DNAH11: variants seen among roughly 807,000 people sequenced by gnomAD.
The protein encoded by DNAH11 is axonemal beta dynein heavy chain 11.
DNAH11 carries 442 observed loss-of-function variants against 526.0 expected under a neutral mutation model. The ratio of observed to expected loss-of-function variants is 0.84; its 90% CI spans 0.78 to 0.91. The LOEUF (loss-of-function observed/expected upper bound fraction) is 0.91. Ranked by LOEUF, DNAH11 falls within the 40% of genes least tolerant of loss-of-function variation. DNAH11 has a pLI of 0.00. For missense variants in DNAH11, 6,989 were observed against 5,448.7 expected (o/e 1.28, Z -8.90); for synonymous variants, 2,461 against 1,935.9 (o/e 1.27, Z -7.12).
chr7:21,569,870 G>A (rs947114447), intron 6 of DNAH11, among the ~76,000 whole-genome samples, 199 bp from the exon 7 acceptor site: 2 of 152,218 alleles, frequency 1.3e-5, no homozygotes, highest in African/African-American at 4.8e-5. Flanking sequence ...AGGGTCTCCT[G>A]TATGTAATTC....
intron 20 of DNAH11, among the ~76,000 whole-genome samples, chr7:21,614,459 G>C (rs17689845): frequency 0.011 from 1,656 of 152,238 alleles, 23 homozygotes; most frequent in Non-Finnish European, 0.018. Flanking sequence ...TGTAAGCATA[G>C]TACCATTTTG....
intron 2 of DNAH11, among the ~76,000 whole-genome samples, chr7:21,549,787 C>T (rs7806515): frequency 0.19 from 29,545 of 152,174 alleles, 2,949 homozygotes; most frequent in Middle Eastern, 0.26. Context: ...AGTATCCCAG[C>T]TGGGGCAGGG....
Position 21,656,072 on chromosome 7 carries a change from A to G in DNAH11, c.5094+91A>G, listed in dbSNP as rs946328472. ...GTTCAACAAGCAAAAAATTCAACCC[A>G]GGTCAAATCAGGCTCTGCTTAGTTT... On this transcript the variant is annotated intron_variant, in intron 29 of 81. Transcript: ENST00000409508. The G allele has an allele frequency of 1.1e-5, 15 of 1,375,814 alleles. No homozygotes were observed. The Admixed American group carries it at 2.5e-4, about 23-fold the overall frequency. 85.2% of individuals were successfully genotyped at this position (1,375,814 alleles called of 1,614,324 possible).
chr7:21,639,998 C>T (rs10269559), intron 28 of DNAH11, among the ~76,000 whole-genome samples: 5,496 of 152,114 alleles, frequency 0.036, 315 homozygotes, highest in African/African-American at 0.13. Context: ...TTAATTATTT[C>T]TCTCTTGTTC....
chr7:21,821,068 A>G lies in DNAH11; in HGVS notation c.10691+2729A>G, dbSNP rs373651992. On this transcript the variant is annotated intron_variant, in intron 65 of 81. Transcript: ENST00000409508. ...AGTGTGATATCAAGGAGTTAATACC[A>G]CCAGTTTATGGTAATTAATTGGATA... Among the ~76,000 whole-genome samples, 20 of 152,262 alleles carry G rather than the reference A, an allele frequency of 1.3e-4. No individual in the cohort carries two copies. In the East Asian group the frequency reaches 3.3e-3, roughly 25 times the overall value.
In DNAH11 at chr7:21,710,590, A is replaced by C. The variant is rs781418402; in HGVS notation, c.6721A>C (p.Ile2241Leu). The C allele has an allele frequency of 6.2e-7, 1 of 1,612,844 alleles. No individual in the cohort carries two copies. The highest frequency in any genetic ancestry group is 1.7e-5 in the Admixed American group (1 of 59,912). The change falls in exon 41 of 82, where the codon ATT becomes CTT. Residue 2241 changes from isoleucine to leucine, a missense_variant. Ile to Leu is a conservative substitution (Grantham distance 5). Transcript: ENST00000409508. ...TTATTTTATAGGTCTCTTCTCATCC[A>C]TTCTACGAGAACAAGCAAATCTTAA... Reference protein sequence around the residue: ...YSYFIGLFSSILREQANLKHD... With the variant: ...YSYFIGLFSSLLREQANLKHD...
chr7:21,811,169 T>C (rs1384710084), intron 63 of DNAH11, among the ~76,000 whole-genome samples: 1 of 152,054 alleles, frequency 6.6e-6, no homozygotes, highest in African/African-American at 2.4e-5. Flanking sequence ...CTAACTGAAA[T>C]TAGCCAGTCA....
intron 66 of DNAH11, among the ~76,000 whole-genome samples, chr7:21,847,843 C>T (rs1450666579): frequency 6.6e-6 from 1 of 152,126 alleles, no homozygotes; most frequent in Non-Finnish European, 1.5e-5. Flanking sequence ...TTTTGACACT[C>T]CATTATTAGG....
intron 79 of DNAH11, among the ~76,000 whole-genome samples, chr7:21,897,340 G>A (rs1017548544): frequency 6.7e-6 from 1 of 150,032 alleles, no homozygotes; most frequent in East Asian, 1.9e-4. Context: ...TGACAGTTTG[G>A]CCAGTTATTA....
chr7:21,570,748 A>G (rs968967226), intron 7 of DNAH11: 1 of 152,474 alleles, frequency 6.6e-6, no homozygotes, highest in Non-Finnish European at 1.5e-5. Flanking sequence ...CTACAAAAAT[A>G]TTAAAACCAT....
chr7:21,845,296 A>C (rs1180619922), intron 66 of DNAH11, among the ~76,000 whole-genome samples: 1 of 152,150 alleles, frequency 6.6e-6, no homozygotes, highest in Non-Finnish European at 1.5e-5. Context: ...ATTAACTGAC[A>C]GTTCGTGAAG....
intron 79 of DNAH11, among the ~76,000 whole-genome samples, chr7:21,895,703 C>A (rs945114010): frequency 6.6e-6 from 1 of 152,090 alleles, no homozygotes; most frequent in Non-Finnish European, 1.5e-5. Flanking sequence ...TTAGTGGAGA[C>A]TCTTTACATT....
chr7:21,833,064 A>G (rs963592507), intron 65 of DNAH11, among the ~76,000 whole-genome samples: 1 of 152,246 alleles, frequency 6.6e-6, no homozygotes, highest in African/African-American at 2.4e-5. Flanking sequence ...TTCTTACCAT[A>G]GTTCCCAATC....
intron 45 of DNAH11, among the ~76,000 whole-genome samples, chr7:21,728,624 A>G (rs1272412335): frequency 6.6e-6 from 1 of 152,162 alleles, no homozygotes; most frequent in Non-Finnish European, 1.5e-5. Flanking sequence ...TAATCCAAAT[A>G]TCATCTACAT....
chr7:21,826,834 T>C (rs1410106800), intron 65 of DNAH11, among the ~76,000 whole-genome samples: 1 of 152,246 alleles, frequency 6.6e-6, no homozygotes, highest in Non-Finnish European at 1.5e-5. Context: ...TGGCTATCAA[T>C]AGTGTTTTTG....
chr7:21,555,640 A>G (rs1783190375), intron 2 of DNAH11, among the ~76,000 whole-genome samples: 1 of 152,266 alleles, frequency 6.6e-6, no homozygotes, highest in South Asian at 2.1e-4. Flanking sequence ...CCCAACCACC[A>G]AGGCAGTACC....
intron 28 of DNAH11, among the ~76,000 whole-genome samples, chr7:21,650,973 A>G (rs541355519): frequency 3.3e-4 from 50 of 151,610 alleles, no homozygotes; most frequent in African/African-American, 1.2e-3. Flanking sequence ...AAAAAAACAC[A>G]TGCAACTATT....
chr7:21,871,200 C>T (rs1048014819), intron 73 of DNAH11, among the ~76,000 whole-genome samples: 2 of 152,172 alleles, frequency 1.3e-5, no homozygotes, highest in African/African-American at 2.4e-5. Context: ...AGCAGGCCGG[C>T]AACTATCTTT....
chr7:21,689,084 C>T (rs1783507625), intron 34 of DNAH11, among the ~76,000 whole-genome samples: 1 of 152,128 alleles, frequency 6.6e-6, no homozygotes, highest in African/African-American at 2.4e-5. Flanking sequence ...TCTCTCAGTC[C>T]TTCTGCCACG....
Sources: allele counts gnomAD v4.1 joint callset (sites outside exome capture counted in the v4.1 genomes callset), GRCh38; gene constraint gnomAD v4.1.1; transcripts MANE v1.5; gene names NCBI Gene and HGNC (gene_info 2026-07-23, HGNC 2026-07-21).